Variants in PALLD observed in about 807,000 individuals in gnomAD.
PALLD encodes the protein palladin, cytoskeletal associated protein.
Under a neutral mutation model 123.5 loss-of-function variants are expected in PALLD, and 61 were observed. The ratio of observed to expected loss-of-function variants is 0.49; its 90% CI spans 0.40 to 0.61. The LOEUF is 0.61. Among genes scored for constraint, PALLD ranks in the 20% least tolerant of loss-of-function variants. The pLI is 0.00. For missense variants in PALLD, 1,273 were observed against 1,377.0 expected (o/e 0.92, Z 1.20); for synonymous variants, 465 against 496.4 (o/e 0.94, Z 0.84).
At chr4:168,837,860 G>A (rs961718482) in intron 10 of PALLD, among the ~76,000 whole-genome samples, 12 of 152,146 alleles carry the variant, frequency 7.9e-5, no homozygotes, top group Non-Finnish European at 1.0e-4. Flanking sequence ...CCTTGCCCTC[G>A]TGGAGCTTAT....
chr4:168,763,560 C>CACACACTT (rs1239570999), intron 10 of PALLD, among the ~76,000 whole-genome samples: 2 of 152,090 alleles, frequency 1.3e-5, no homozygotes, highest in African/African-American at 4.8e-5. Context: ...TTTTTTAAGC[C>CACACACTT]ACACACTTAC....
At chr4:168,556,310 T>A (rs1767297600) in intron 2 of PALLD, among the ~76,000 whole-genome samples, 1 of 152,128 alleles carries the variant, frequency 6.6e-6, no homozygotes, top group Non-Finnish European at 1.5e-5. Flanking sequence ...TTAGCCAGGA[T>A]GCTCTCGATC....
intron 10 of PALLD, among the ~76,000 whole-genome samples, chr4:168,852,098 A>C (rs755206958): frequency 6.6e-6 from 1 of 152,184 alleles, no homozygotes; most frequent in Non-Finnish European, 1.5e-5. Context: ...AAAACGTAGC[A>C]CACCCCTTGC....
At chr4:168,779,532 C>G (rs899146096) in intron 10 of PALLD, among the ~76,000 whole-genome samples, 2 of 151,262 alleles carry the variant, frequency 1.3e-5, no homozygotes, top group African/African-American at 4.8e-5. Flanking sequence ...TATATATACA[C>G]ACACACATGT....
intron 10 of PALLD, among the ~76,000 whole-genome samples, chr4:168,732,416 C>T (rs1446736502): frequency 6.6e-6 from 1 of 152,106 alleles, no homozygotes; most frequent in Non-Finnish European, 1.5e-5. Context: ...TGGGATAGGC[C>T]TAGAATAACC....
Position 168,691,151 on chromosome 4 carries a change from C to G in PALLD, c.1478-118C>G, listed in dbSNP as rs567567645. The stretch of plus-strand genomic sequence containing the variant: ...TTTGTATGATGGAGTTTGACTGTAA[C>G]ATTTCTTCAGACATGTCCTAGACAA... On this transcript the variant is annotated intron_variant, in intron 7 of 21. Transcript: ENST00000505667. 2.0e-5 allele frequency: 15 copies of G among 741,336 alleles called. No individual in the cohort carries two copies. In the East Asian group the frequency reaches 3.3e-4, roughly 16 times the overall value. 45.9% of individuals were successfully genotyped at this position (741,336 alleles called of 1,614,324 possible). A position where few individuals can be genotyped will look rare whatever the true frequency, so the allele number is the denominator to read the frequency against.
intron 2 of PALLD, among the ~76,000 whole-genome samples, chr4:168,593,032 G>A (rs1771595398): frequency 6.7e-6 from 1 of 150,038 alleles, no homozygotes; most frequent in Admixed American, 6.7e-5. Context: ...AAAAAAAAAA[G>A]TCAACTATGC....
chr4:168,595,641 A>G (rs995556489), intron 2 of PALLD, among the ~76,000 whole-genome samples: 1 of 152,152 alleles, frequency 6.6e-6, no homozygotes, highest in Non-Finnish European at 1.5e-5. Context: ...TAGTGAAGCA[A>G]GACAGTGTCT....
chr4:168,673,870 T>G (rs759895759), intron 3 of PALLD, among the ~76,000 whole-genome samples: 3 of 148,710 alleles, frequency 2.0e-5, no homozygotes, highest in Non-Finnish European at 4.4e-5. Flanking sequence ...AGGAATTAAG[T>G]GCTGTCTTTT....
intron 2 of PALLD, among the ~76,000 whole-genome samples, chr4:168,535,942 G>A (rs370806807): frequency 8.5e-5 from 13 of 152,174 alleles, no homozygotes; most frequent in East Asian, 3.8e-4. Flanking sequence ...AACGTGGTGT[G>A]TAATTTACAA....
intron 2 of PALLD, among the ~76,000 whole-genome samples, chr4:168,530,115 T>C (rs1173881987): frequency 1.3e-5 from 2 of 152,214 alleles, no homozygotes; most frequent in Non-Finnish European, 2.9e-5. Flanking sequence ...AGTGACTGAA[T>C]GTACTTTGAT....
rs116057297 is a variant in PALLD, at chr4:168,896,432, G to A, written c.2200-117G>A. 4.2e-3 allele frequency: 2,912 copies of A among 688,784 alleles called. 8 individuals carry two copies. The highest frequency in any genetic ancestry group is 5.6e-3 in the Non-Finnish European group (2,141 of 381,310). 42.7% of individuals were successfully genotyped at this position (688,784 alleles called of 1,614,324 possible). ...TGGTTGTGTGAGTACTCACAGCACC[G>A]TTACTACCAAACGCATATTGCTAGC... On this transcript the variant is annotated intron_variant, in intron 12 of 21. Coordinates refer to ENST00000505667, the MANE Select transcript of PALLD (RefSeq NM_001166108.2).
chr4:168,779,494 TA>T (rs1227107576), intron 10 of PALLD, among the ~76,000 whole-genome samples: 2 of 150,816 alleles, frequency 1.3e-5, no homozygotes, highest in African/African-American at 4.9e-5. Flanking sequence ...CATATATATA[TA>T]AAAAATCATA....
chr4:168,616,363 G>C (rs1024016701), intron 2 of PALLD, among the ~76,000 whole-genome samples: 1 of 152,174 alleles, frequency 6.6e-6, no homozygotes, highest in African/African-American at 2.4e-5. Context: ...AAGTAATTCA[G>C]AGTAGAGTAG....
chr4:168,612,098 T>G (rs1561304069), intron 2 of PALLD, among the ~76,000 whole-genome samples: 1 of 152,098 alleles, frequency 6.6e-6, no homozygotes, highest in Non-Finnish European at 1.5e-5. Flanking sequence ...AGGTTGAGGC[T>G]GCAGTGAGCC....
intron 10 of PALLD, among the ~76,000 whole-genome samples, chr4:168,729,978 A>C (rs189143310): frequency 1.9e-4 from 29 of 152,326 alleles, no homozygotes; most frequent in Admixed American, 9.8e-4. Flanking sequence ...TTGTAAAACT[A>C]TCTCTTCACC....
At chr4:168,632,993 C>T (rs1212285113) in intron 2 of PALLD, among the ~76,000 whole-genome samples, 1 of 152,128 alleles carries the variant, frequency 6.6e-6, no homozygotes, top group Non-Finnish European at 1.5e-5. Context: ...AGGGGGCTGT[C>T]CTCCAAGGGA....
At chr4:168,904,383 T>C (rs1757182064) in intron 15 of PALLD, 1 of 161,792 alleles carries the variant, frequency 6.2e-6, no homozygotes, top group Non-Finnish European at 1.4e-5. Context: ...ATGATAATTT[T>C]GATAGCATTC....
chr4:168,585,203 G>T (rs565008522), intron 2 of PALLD, among the ~76,000 whole-genome samples: 16 of 152,228 alleles, frequency 1.1e-4, no homozygotes, highest in African/African-American at 3.9e-4. Context: ...ATGACATATT[G>T]CAGTTTATCA....
Sources: gnomAD v4.1 joint callset for allele counts (sites outside exome capture counted in the v4.1 genomes callset) on GRCh38, gnomAD v4.1.1 for gene constraint, MANE v1.5 for transcripts, NCBI Gene and HGNC (gene_info 2026-07-23, HGNC 2026-07-21) for gene names.